The following MTIF2 variants were observed in gnomAD, a reference collection of about 807,000 sequenced individuals.
The protein encoded by MTIF2 is translation initiation factor IF-2, mitochondrial.
MTIF2 carries 71 observed loss-of-function variants against 83.5 expected under a neutral mutation model. That is an observed-to-expected ratio of 0.85 (90% CI 0.70 to 1.04). The LOEUF (loss-of-function observed/expected upper bound fraction) is 1.04, where lower values mean the gene tolerates loss of function less well. Among genes scored for constraint, MTIF2 ranks in the 50% least tolerant of loss-of-function variants. The pLI is 0.00. For synonymous variants in MTIF2, 319 were observed against 287.1 expected, an observed-to-expected ratio of 1.11 and a Z score of -1.12; for missense variants, 957 against 846.5, an observed-to-expected ratio of 1.13 and a Z score of -1.62.
At position 55,262,326 on chromosome 2, in the gene MTIF2, T is replaced by C; in HGVS notation, c.321A>G (p.Glu107=). 1 of 1,610,750 alleles carries C rather than the reference T, an allele frequency of 6.2e-7. No individual in the cohort carries two copies. Among genetic ancestry groups the C allele is most frequent in the Non-Finnish European group, 8.5e-7 (1 of 1,178,070 alleles). The part of the protein sequence containing the change: ...MTIEELARAM[E]KNTDYVYEAL... ...AAATATCTGACTCACCTGTGTTTTTTTCCATTGCCCTGGCCAGTTCCTCAA... is the reference window on the plus strand; with the variant it reads ...AAATATCTGACTCACCTGTGTTTTTCTCCATTGCCCTGGCCAGTTCCTCAA... Residue 107 remains glutamate (E), a synonymous_variant, in exon 5 of 16, where the codon GAA becomes GAG. Transcript: ENST00000263629.
At chr2:55,257,344 G>T (rs563955173) in intron 5 of MTIF2, among the ~76,000 whole-genome samples, 1 of 152,240 alleles carries the variant, frequency 6.6e-6, no homozygotes, top group South Asian at 2.1e-4. Flanking sequence ...AGCTGGGCAT[G>T]GTGGCACGCA....
intron 5 of MTIF2, among the ~76,000 whole-genome samples, chr2:55,261,556 G>T (rs915098430): frequency 6.6e-6 from 1 of 151,786 alleles, no homozygotes. Context: ...GCAGGGAGCC[G>T]AGATCGTGCC....
At chr2:55,268,190 C>G (rs1326467598) in intron 2 of MTIF2, among the ~76,000 whole-genome samples, 1 of 151,716 alleles carries the variant, frequency 6.6e-6, no homozygotes, top group Non-Finnish European at 1.5e-5. Context: ...GAGGCAGAGA[C>G]TGCAGTGAGC....
intron 3 of MTIF2, among the ~76,000 whole-genome samples, chr2:55,265,381 G>A (rs777506985): frequency 8.6e-5 from 13 of 150,822 alleles, no homozygotes; most frequent in Non-Finnish European, 1.6e-4. Flanking sequence ...ACAGTTCATT[G>A]TCGTTAAAGC....
intron 9 of MTIF2, 30 bp downstream of exon 9, chr2:55,249,365 G>A (rs1558562609): frequency 6.2e-7 from 1 of 1,610,922 alleles, no homozygotes; most frequent in African/African-American, 1.3e-5. Context: ...TTCCCATCCA[G>A]GCATATTTAT....
chr2:55,261,337 G>C (rs1198834906), intron 5 of MTIF2, among the ~76,000 whole-genome samples: 1 of 152,110 alleles, frequency 6.6e-6, no homozygotes, highest in Non-Finnish European at 1.5e-5. Context: ...GGGCATGGTG[G>C]GATCACGCCC....
intron 5 of MTIF2, among the ~76,000 whole-genome samples, chr2:55,255,999 CCT>C (rs1245070452): frequency 6.6e-6 from 1 of 151,976 alleles, no homozygotes; most frequent in Admixed American, 6.6e-5. Context: ...GCCTCAGCCC[CCT>C]GAGTAGCTGG....
rs937888950 is a variant in MTIF2, at chr2:55,249,403, C to T, written c.973G>A (p.Ala325Thr). The change falls in exon 9 of 16, where the codon GCA becomes ACA. Residue 325 changes from alanine to threonine, a missense_variant. Physicochemically the swap from Ala to Thr is moderately conservative, Grantham distance 58. This residue lies in a region of MTIF2 where 733 missense variants were observed against 648.7 expected (regional missense o/e 1.13). Transcript: ENST00000263629. ...GAGGTCCCCGCATTTACCGTAAGTGCGGAGACAGGCACTGCTTGAACATCA... is the reference window on the plus strand; with the variant it reads ...GAGGTCCCCGCATTTACCGTAAGTGTGGAGACAGGCACTGCTTGAACATCA... ...GGDVQAVPVSALTGDNLMALA... is the reference protein window; with the variant it reads ...GGDVQAVPVSTLTGDNLMALA... The T allele has an allele frequency of 5.0e-6, 8 of 1,614,004 alleles. No homozygotes were observed. The highest frequency in any genetic ancestry group is 1.1e-5 in the South Asian group (1 of 91,044).
chr2:55,263,572 G>A (rs1294567579), intron 4 of MTIF2, 68 bp downstream of exon 4: 10 of 1,266,374 alleles, frequency 7.9e-6, no homozygotes, highest in African/African-American at 3.0e-5. Context: ...ATCGCGCCAC[G>A]GCACTCCAGC....
At position 55,263,867 on chromosome 2, in the gene MTIF2, T is replaced by A; in HGVS notation, c.-7-2A>T. The A allele has an allele frequency of 3.2e-6, 5 of 1,582,476 alleles. No individual in the cohort carries two copies. In the Admixed American group the frequency reaches 5.7e-5, roughly 18 times the overall value. On this transcript the variant is annotated splice_acceptor_variant, in intron 3 of 15. Coordinates refer to ENST00000263629, the MANE Select transcript of MTIF2 (RefSeq NM_002453.3). LOFTEE classifies it low-confidence loss of function (5UTR_SPLICE). ...AGTAGCTTCTGGTTCATGTTTCTCC[T>A]GGGGAAAAAAAAAAGGTTTTAAAAT...
At chr2:55,250,415 T>G (rs1405297545) in intron 8 of MTIF2, among the ~76,000 whole-genome samples, 1 of 138,262 alleles carries the variant, frequency 7.2e-6, no homozygotes, top group African/African-American at 2.7e-5. Flanking sequence ...GGAGATAATC[T>G]CCAAAAAAAA....
chr2:55,240,460 T>C (rs904923375), intron 13 of MTIF2, among the ~76,000 whole-genome samples: 5 of 152,070 alleles, frequency 3.3e-5, no homozygotes, highest in African/African-American at 1.2e-4. Context: ...GCACCTGTAA[T>C]TCCAGCTACT....
Position 55,249,395 on chromosome 2 carries a change from C to G in MTIF2, c.981G>C (p.Thr327=). The change falls in exon 9 of 16, where the codon ACG becomes ACC. Residue 327 remains threonine, a splice_region_variant and synonymous_variant. Coordinates refer to ENST00000263629, the MANE Select transcript of MTIF2 (RefSeq NM_002453.3). ...DVQAVPVSAL[T]GDNLMALAEA... ...ATTTATATGAGGTCCCCGCATTTAC[C>G]GTAAGTGCGGAGACAGGCACTGCTT... The G allele has an allele frequency of 1.9e-6, 3 of 1,613,770 alleles. No individual in the cohort carries two copies. Among genetic ancestry groups the G allele is most frequent in the Non-Finnish European group, 2.5e-6 (3 of 1,179,858 alleles).
chr2:55,264,995 C>T (rs1220495232), intron 3 of MTIF2, among the ~76,000 whole-genome samples: 1 of 151,946 alleles, frequency 6.6e-6, no homozygotes, highest in Non-Finnish European at 1.5e-5. Context: ...GTAATCCCAG[C>T]ACTTTGGGAG....
At chr2:55,247,126 C>T (rs1487133145) in intron 9 of MTIF2, among the ~76,000 whole-genome samples, 1 of 152,126 alleles carries the variant, frequency 6.6e-6, no homozygotes, top group Non-Finnish European at 1.5e-5. Context: ...CTTTCATGGT[C>T]TATGTTTACT....
At chr2:55,241,653 G>A (rs1032073066) in intron 13 of MTIF2, among the ~76,000 whole-genome samples, 3 of 151,974 alleles carry the variant, frequency 2.0e-5, no homozygotes, top group African/African-American at 7.3e-5. Context: ...GACCAAACTG[G>A]CCAACATGAT....
At chr2:55,257,351 C>T (rs935455952) in intron 5 of MTIF2, among the ~76,000 whole-genome samples, 4 of 151,956 alleles carry the variant, frequency 2.6e-5, no homozygotes, top group Non-Finnish European at 4.4e-5. Context: ...CATGGTGGCA[C>T]GCACCTGTAA....
At chr2:55,244,520 A>G (rs1676554767) in intron 10 of MTIF2, among the ~76,000 whole-genome samples, 1 of 152,254 alleles carries the variant, frequency 6.6e-6, no homozygotes, top group African/African-American at 2.4e-5. Context: ...GCGATAGCCA[A>G]GAAGTAGAAG....
In MTIF2 at chr2:55,263,843, G is replaced by A. The variant is rs1319933801; in HGVS notation, c.16C>T (p.Leu6=). 6.2e-7 allele frequency: 1 copy of A among 1,612,664 alleles called. No homozygotes were observed. The highest frequency in any genetic ancestry group is 2.2e-5 in the East Asian group (1 of 44,856). The change falls in exon 4 of 16, where the codon CTG becomes TTG. Residue 6 remains leucine (L), a synonymous_variant. Transcript: ENST00000263629. ...AATCGTAGCAAGTTCTCCAACTTCA[G>A]TAGCTTCTGGTTCATGTTTCTCCTG... is the stretch of plus-strand genomic sequence containing the variant. MNQKL[L]KLENLLRFHT... is the part of the protein sequence containing the mutation.
Sources: gnomAD v4.1 joint callset for allele counts (sites outside exome capture counted in the v4.1 genomes callset) on GRCh38, gnomAD v4.1.1 for gene constraint, gnomAD v4.1.1 regional missense constraint, MANE v1.5 for transcripts, NCBI Gene and HGNC (gene_info 2026-07-23, HGNC 2026-07-21) for gene names.